METTL6: variants seen among roughly 807,000 people sequenced by gnomAD.
The protein encoded by METTL6 is tRNA N(3)-cytidine methyltransferase METTL6.
Under a neutral mutation model 26.4 loss-of-function variants are expected in METTL6, and 22 were observed. The ratio of observed to expected loss-of-function variants is 0.83; its 90% CI spans 0.59 to 1.19. The LOEUF (loss-of-function observed/expected upper bound fraction) is 1.19. METTL6 is among the 50% of genes most tolerant of loss of function. The pLI, the probability that METTL6 is intolerant of heterozygous loss-of-function variation, is 0.00. For synonymous variants in METTL6, 109 were observed against 116.2 expected (o/e 0.94, Z 0.40); for missense variants, 304 against 324.8 (o/e 0.94, Z 0.49).
At chr3:15,420,499 A>C (rs1276490745) in intron 3 of METTL6, among the ~76,000 whole-genome samples, 1 of 152,230 alleles carries the variant, frequency 6.6e-6, no homozygotes, top group Non-Finnish European at 1.5e-5. Flanking sequence ...CACTTCTCTA[A>C]GCAGTACACA....
intron 6 of METTL6, among the ~76,000 whole-genome samples, chr3:15,393,471 G>T (rs1163005840): frequency 6.6e-6 from 1 of 152,044 alleles, no homozygotes; most frequent in South Asian, 2.1e-4. Context: ...CTCTTTTCAT[G>T]ATTGAATACC....
At chr3:15,422,437 A>C (rs2061629486) in intron 3 of METTL6, among the ~76,000 whole-genome samples, 1 of 152,088 alleles carries the variant, frequency 6.6e-6, no homozygotes, top group South Asian at 2.1e-4. Context: ...CAGGCTGGGC[A>C]AAATGGAGAA....
chr3:15,409,908 A>G lies in METTL6; in HGVS notation c.*1348T>C, dbSNP rs1699902370. 6.6e-6 allele frequency among the ~76,000 whole-genome samples: 1 copy of G among 152,206 alleles called. No individual in the cohort carries two copies. Among genetic ancestry groups the G allele is most frequent in the Admixed American group, 6.5e-5 (1 of 15,282 alleles). ...ACACTCCTTTAGGCTAGAAATATAT[A>G]TGAGTGTCTTATTTTAGTCTACTTG... On this transcript the variant is annotated 3_prime_UTR_variant, in exon 6 of 6. Transcript: ENST00000383790.
At chr3:15,400,714 C>A (rs1469176969) in intron 6 of METTL6, among the ~76,000 whole-genome samples, 1 of 152,110 alleles carries the variant, frequency 6.6e-6, no homozygotes, top group Admixed American at 6.5e-5. Context: ...TTACAGAAAA[C>A]ATGAATTTCA....
chr3:15,391,094 C>T (rs1699332487), intron 6 of METTL6, among the ~76,000 whole-genome samples: 2 of 152,194 alleles, frequency 1.3e-5, no homozygotes, highest in South Asian at 2.1e-4. Flanking sequence ...CACATCTACC[C>T]ATAGTCTCCA....
intron 6 of METTL6, among the ~76,000 whole-genome samples, chr3:15,398,327 G>C (rs1176369681): frequency 6.6e-6 from 1 of 152,050 alleles, no homozygotes; most frequent in African/African-American, 2.4e-5. Flanking sequence ...CCAAGTAGCT[G>C]GGATTACAGG....
chr3:15,393,884 C>A (rs1489476863), intron 6 of METTL6, among the ~76,000 whole-genome samples: 1 of 152,202 alleles, frequency 6.6e-6, no homozygotes, highest in African/African-American at 2.4e-5. Flanking sequence ...TGATATGCTG[C>A]TGGATTCAGT....
chr3:15,411,783 G>T (rs1332434227), intron 5 of METTL6, among the ~76,000 whole-genome samples: 2 of 147,952 alleles, frequency 1.4e-5, no homozygotes, highest in Admixed American at 1.4e-4. Context: ...ATTTTTTTTT[G>T]AGACACAATG....
chr3:15,414,872 C>T (rs1268078498), intron 4 of METTL6: 7 of 796,872 alleles, frequency 8.8e-6, no homozygotes, highest in Admixed American at 2.4e-5. Flanking sequence ...CAGTGAGCCA[C>T]GTCCATGCCA....
At position 15,426,495 on chromosome 3, in the gene METTL6, C is replaced by G; in HGVS notation, c.17G>C (p.Arg6Thr). 1 of 1,613,720 alleles carries G rather than the reference C, an allele frequency of 6.2e-7. No individual in the cohort carries two copies. The highest frequency in any genetic ancestry group is 1.6e-4 in the Middle Eastern group (1 of 6,062). ...GAGAATCCTTGCCTGCAGCCCTTTC[C>G]TTTGCAAAGAAGCCATCTCTGAAAC... MASLQ[R>T]KGLQARILTS... Residue 6 changes from arginine (R) to threonine (T), a missense_variant, in exon 2 of 6, where the codon AGG becomes ACG. Transcript: ENST00000383790.
chr3:15,399,218 G>A (rs1342688900), intron 6 of METTL6, among the ~76,000 whole-genome samples: 3 of 82,712 alleles, frequency 3.6e-5, no homozygotes, highest in Non-Finnish European at 4.8e-5. Context: ...CCAACCCCTC[G>A]CCCCCAAAAA....
intron 6 of METTL6, among the ~76,000 whole-genome samples, chr3:15,389,238 C>T (rs1699278257): frequency 6.6e-6 from 1 of 151,960 alleles, no homozygotes; most frequent in Non-Finnish European, 1.5e-5. Flanking sequence ...AAGCAATCCT[C>T]CCACTTTGGC....
At chr3:15,413,513 A>C (rs982957469) in intron 5 of METTL6, among the ~76,000 whole-genome samples, 5 of 152,106 alleles carry the variant, frequency 3.3e-5, no homozygotes. Flanking sequence ...TGGAGGCTGC[A>C]GTGAGCCAAG....
intron 3 of METTL6, among the ~76,000 whole-genome samples, chr3:15,422,112 G>A (rs2061623162): frequency 2.0e-5 from 3 of 151,704 alleles, no homozygotes; most frequent in Admixed American, 2.0e-4. Flanking sequence ...GATCTCTTGA[G>A]CCCAGGAGTT....
chr3:15,413,314 C>T (rs1700051480), intron 5 of METTL6, among the ~76,000 whole-genome samples: 2 of 152,230 alleles, frequency 1.3e-5, no homozygotes, highest in South Asian at 4.1e-4. Context: ...GTGACTAACA[C>T]CTGTAATCCC....
chr3:15,398,044 CCACT>C, intron 6 of METTL6, among the ~76,000 whole-genome samples: 1 of 152,056 alleles, frequency 6.6e-6, no homozygotes, highest in Non-Finnish European at 1.5e-5. Context: ...CAGCAAGCAC[CCACT>C]GTCTAGCCAC....
At position 15,417,452 on chromosome 3, in the gene METTL6, AAAATAAATAAAT is replaced by A. The variant is rs35596746; in HGVS notation, c.361-1522_361-1511del. 4.3e-4 allele frequency among the ~76,000 whole-genome samples: 61 copies of A among 142,700 alleles called. 1 individual carries two copies. In the Middle Eastern group the frequency reaches 0.014, roughly 33 times the overall value. 93.6% of individuals were successfully genotyped at this position (142,700 alleles called of 152,430 possible). ...CCTGCATGATAGAGACTCTGTCTCA[AAAATAAATAAAT>A]AAATAAATAAATAAATAAATAAAAT... On this transcript the variant is annotated intron_variant, in intron 3 of 5. Transcript: ENST00000383790.
At chr3:15,405,685 A>G (rs1699765574), downstream of METTL6, among the ~76,000 whole-genome samples, 1 of 152,206 alleles carries the variant, frequency 6.6e-6, no homozygotes, top group African/African-American at 2.4e-5. Flanking sequence ...CCTTCTTGAA[A>G]AAGACTTGGT....
intron 3 of METTL6, among the ~76,000 whole-genome samples, chr3:15,421,821 A>C (rs547690738): frequency 6.6e-6 from 1 of 152,302 alleles, no homozygotes; most frequent in East Asian, 1.9e-4. Context: ...CTGAGGCAGG[A>C]GAATTGCTTG....
Sources: allele counts gnomAD v4.1 joint callset (sites outside exome capture counted in the v4.1 genomes callset), GRCh38; gene constraint gnomAD v4.1.1; transcripts MANE v1.5; gene names NCBI Gene and HGNC (gene_info 2026-07-23, HGNC 2026-07-21).